PRKDC: variants seen among roughly 807,000 people sequenced by gnomAD.
PRKDC encodes DNA-dependent protein kinase catalytic subunit.
Under a neutral mutation model 486.9 loss-of-function variants are expected in PRKDC, and 82 were observed. The ratio of observed to expected loss-of-function variants is 0.17; its 90% confidence interval spans 0.14 to 0.20. The LOEUF (loss-of-function observed/expected upper bound fraction) is 0.20. Ranked by LOEUF, PRKDC falls within the 10% of genes least tolerant of loss-of-function variation. The probability of loss-of-function intolerance (pLI) is 1.00; values close to 1 mark genes in which losing one functional copy is unlikely to be tolerated. For synonymous variants in PRKDC, 1,895 were observed against 1,837.0 expected (o/e 1.03, Z -0.81); for missense variants, 4,504 against 5,038.2 (o/e 0.89, Z 3.21).
intron 8 of PRKDC, 28 bp from the exon 9 acceptor site, chr8:47,943,911 C>G (rs369295754): frequency 1.9e-6 from 3 of 1,580,338 alleles, no homozygotes; most frequent in African/African-American, 2.7e-5. Context: ...AATTCACCAT[C>G]AGTATTTGAA....
At chr8:47,800,711 T>C in intron 71 of PRKDC, 82 bp downstream of exon 71, 1 of 1,258,662 alleles carries the variant, frequency 7.9e-7, no homozygotes, top group Non-Finnish European at 1.1e-6. Context: ...GCAACATCCT[T>C]ATTATTACTT....
chr8:47,777,650 C>A, intron 84 of PRKDC, 36 bp downstream of exon 84: 1 of 1,536,116 alleles, frequency 6.5e-7, no homozygotes. Flanking sequence ...GGGACACTGT[C>A]ACAAAAGTGA....
chr8:47,803,907 C>T (rs1459249146), intron 69 of PRKDC, among the ~76,000 whole-genome samples: 1 of 149,060 alleles, frequency 6.7e-6, no homozygotes. Flanking sequence ...GCTGTGTACT[C>T]CAGCCTGGGC....
At chr8:47,805,615 A>C (rs2087201501) in intron 69 of PRKDC, among the ~76,000 whole-genome samples, 1 of 152,204 alleles carries the variant, frequency 6.6e-6, no homozygotes, top group Non-Finnish European at 1.5e-5. Flanking sequence ...TTCTCAGGTA[A>C]GGCACGACAG....
rs2086840700 is a variant in PRKDC, at chr8:47,789,063, A to G, written c.10759-14T>C. The stretch of plus-strand genomic sequence containing the variant: ...ATTGCTCCAATCCTGTCAGGGGAAA[A>G]AAAAAGTAAGAAAAAAATCAAGCTA... On this transcript the variant is annotated splice_polypyrimidine_tract_variant and intron_variant, in intron 75 of 85. Transcript: ENST00000314191. 6.2e-7 allele frequency: 1 copy of G among 1,611,726 alleles called. No homozygotes were observed. The highest frequency in any genetic ancestry group is 1.3e-5 in the African/African-American group (1 of 74,874).
At chr8:47,809,730 A>C (rs1589711961) in intron 68 of PRKDC, among the ~76,000 whole-genome samples, 1 of 152,226 alleles carries the variant, frequency 6.6e-6, no homozygotes. Context: ...CTCTGCTGAC[A>C]ACAACTAGAA....
chr8:47,864,250 T>C (rs1028240507), intron 41 of PRKDC, among the ~76,000 whole-genome samples: 8 of 152,134 alleles, frequency 5.3e-5, no homozygotes, highest in Non-Finnish European at 8.8e-5. Flanking sequence ...TGGCAGCCCC[T>C]AGGACCGCCA....
chr8:47,855,442 T>G, intron 49 of PRKDC, 69 bp from the exon 50 acceptor site: 11 of 1,427,646 alleles, frequency 7.7e-6, no homozygotes, highest in Non-Finnish European at 1.0e-5. Context: ...TTAACTCAAG[T>G]TCATTTATAA....
rs567988659 is a variant in PRKDC at position 47,780,514 on chromosome 8, C to T, written c.11490-1421G>A. On this transcript the variant is annotated intron_variant, in intron 80 of 85. Transcript: ENST00000314191. ...AAAATCTAAAGACAGAACAGTTTCA[C>T]GTGTGACTTAGCAATTCAATCACTT... 3.3e-5 allele frequency among the ~76,000 whole-genome samples: 5 copies of T among 152,200 alleles called. No homozygotes were observed. In the South Asian group the frequency reaches 8.3e-4, roughly 25 times the overall value.
At chr8:47,833,558 A>T (rs1231489233) in intron 59 of PRKDC, among the ~76,000 whole-genome samples, 1 of 151,682 alleles carries the variant, frequency 6.6e-6, no homozygotes, top group African/African-American at 2.4e-5. Flanking sequence ...GCCCCACACA[A>T]ACCTCAGAGA....
chr8:47,775,787 A>G (rs892824917), intron 85 of PRKDC, among the ~76,000 whole-genome samples: 6 of 151,480 alleles, frequency 4.0e-5, no homozygotes, highest in Admixed American at 2.6e-4. Context: ...AAGTATCACA[A>G]CAAAATCCAA....
chr8:47,826,598 T>C (rs2087742157), intron 63 of PRKDC, 58 bp downstream of exon 63: 2 of 1,501,512 alleles, frequency 1.3e-6, no homozygotes, highest in Non-Finnish European at 1.8e-6. Context: ...CCAAGTGTTT[T>C]CCGTATTGCT....
intron 40 of PRKDC, among the ~76,000 whole-genome samples, chr8:47,867,829 A>C (rs545823204): frequency 2.0e-5 from 3 of 152,206 alleles, no homozygotes; most frequent in Admixed American, 2.0e-4. Context: ...GGAAGCATGC[A>C]CTCCTTCACT....
Position 47,918,301 on chromosome 8 carries a change from C to T in PRKDC, c.2502G>A (p.Leu834=), listed in dbSNP as rs1417274751. 3.1e-6 allele frequency: 5 copies of T among 1,588,890 alleles called. No homozygotes were observed. Among genetic ancestry groups the T allele is most frequent in the Non-Finnish European group, 4.3e-6 (5 of 1,165,920 alleles). ...KGFNKVVLKH[L]KKTKNLSSNE... ...CTGATGAAAGGTTCTTTGTCTTCTT[C>T]AGATGCTTTAACACCACTTTATTAA... The change falls in exon 22 of 86, where the codon CTG becomes CTA. Residue 834 remains leucine, a synonymous_variant. Transcript: ENST00000314191.
Position 47,932,048 on chromosome 8 carries a change from G to A in PRKDC, c.1776+972C>T, listed in dbSNP as rs770374222. The stretch of plus-strand genomic sequence containing the variant: ...TGGGATTACAGGTGCCCGCCACCAC[G>A]CCCGGCTCATTTTTTTTGTATTTTG... On this transcript the variant is annotated intron_variant, in intron 16 of 85. Transcript: ENST00000314191. Among the ~76,000 whole-genome samples, 33 of 151,698 alleles carry A rather than the reference G, an allele frequency of 2.2e-4. No individual in the cohort carries two copies. In the East Asian group the frequency reaches 2.5e-3, roughly 12 times the overall value.
In PRKDC at chr8:47,877,670, C is replaced by A. The variant is rs1334369559; in HGVS notation, c.5363+54G>T. 13 of 1,410,910 alleles carry A rather than the reference C, an allele frequency of 9.2e-6. No individual in the cohort carries two copies. In the East Asian group the frequency reaches 3.2e-4, roughly 35 times the overall value. 87.4% of individuals were successfully genotyped at this position (1,410,910 alleles called of 1,614,324 possible). The stretch of plus-strand genomic sequence containing the variant: ...TTTTTTGGAACAGAGAGGATAATTT[C>A]CCACAAAACTGAAATGCGTATGGTT... On this transcript the variant is annotated intron_variant, in intron 40 of 85. Transcript: ENST00000314191.
chr8:47,803,215 G>A, intron 70 of PRKDC, 91 bp downstream of exon 70: 2 of 1,248,146 alleles, frequency 1.6e-6, no homozygotes, highest in Non-Finnish European at 2.2e-6. Context: ...CCTCCCAAAT[G>A]TCAGATGATG....
intron 42 of PRKDC, 38 bp from the exon 43 acceptor site, chr8:47,862,579 C>T (rs1350260106): frequency 1.3e-6 from 2 of 1,547,138 alleles, no homozygotes; most frequent in East Asian, 2.3e-5. Flanking sequence ...ATTCACACAA[C>T]ATGGCAATCA....
chr8:47,866,969 C>T lies in PRKDC; in HGVS notation c.5364-2206G>A, dbSNP rs528130183. On this transcript the variant is annotated intron_variant, in intron 40 of 85. Coordinates refer to ENST00000314191, the MANE Select transcript of PRKDC (RefSeq NM_006904.7). ...CTCAGGCTGGTCTCAAACTCCTGGG[C>T]TCAAGTGATCCTCCTGCCTCAGCCT... Among the ~76,000 whole-genome samples the T allele has an allele frequency of 5.3e-5, 8 of 152,184 alleles. No homozygotes were observed. In the East Asian group the frequency reaches 1.5e-3, roughly 29 times the overall value.
Sources: allele counts gnomAD v4.1 joint callset (sites outside exome capture counted in the v4.1 genomes callset), GRCh38; gene constraint gnomAD v4.1.1; transcripts MANE v1.5; gene names NCBI Gene and HGNC (gene_info 2026-07-23, HGNC 2026-07-21).